MBNL1: variants seen among roughly 807,000 people sequenced by gnomAD.
MBNL1 encodes the protein muscleblind like splicing regulator 1.
In MBNL1, 8 loss-of-function variants were observed where a neutral mutation model predicts 42.2. The ratio of observed to expected loss-of-function variants is 0.19; its 90% CI spans 0.11 to 0.34. The LOEUF (loss-of-function observed/expected upper bound fraction) is 0.34, where lower values mean the gene tolerates loss of function less well. Ranked by LOEUF, MBNL1 falls within the 10% of genes least tolerant of loss-of-function variation. The pLI is 1.00. For missense variants in MBNL1, 309 were observed against 495.3 expected (o/e 0.62, Z 3.57); for synonymous variants, 169 against 173.9 (o/e 0.97, Z 0.22).
At chr3:152,280,725 G>T (rs868159431) in intron 1 of MBNL1, among the ~76,000 whole-genome samples, 1 of 152,144 alleles carries the variant, frequency 6.6e-6, no homozygotes, top group South Asian at 2.1e-4. Context: ...AAATAAAGCT[G>T]TATTTTGTAG....
At chr3:152,438,941 C>T (rs1385542192) in intron 4 of MBNL1, among the ~76,000 whole-genome samples, 3 of 152,088 alleles carry the variant, frequency 2.0e-5, no homozygotes, top group East Asian at 1.9e-4. Context: ...CCAGGGGACA[C>T]GTATTCCAGA....
intron 3 of MBNL1, among the ~76,000 whole-genome samples, chr3:152,421,341 G>A (rs2098801581): frequency 6.6e-6 from 1 of 152,190 alleles, no homozygotes; most frequent in Non-Finnish European, 1.5e-5. Flanking sequence ...AAAGGCGGCT[G>A]AAGCCAGGGA....
intron 7 of MBNL1, among the ~76,000 whole-genome samples, chr3:152,455,884 A>G (rs1013034743): frequency 5.6e-5 from 8 of 142,552 alleles, no homozygotes; most frequent in African/African-American, 2.5e-4. Flanking sequence ...ATGAGAAAAA[A>G]ATACTTTCAT....
intron 2 of MBNL1, among the ~76,000 whole-genome samples, chr3:152,352,680 G>A (rs564702738): frequency 6.6e-6 from 1 of 151,726 alleles, no homozygotes; most frequent in African/African-American, 2.4e-5. Context: ...AGTCTCCCTT[G>A]ATCCCCTCCA....
chr3:152,323,813 A>G (rs1332699178), intron 2 of MBNL1, among the ~76,000 whole-genome samples: 2 of 152,206 alleles, frequency 1.3e-5, no homozygotes, highest in Admixed American at 6.5e-5. Flanking sequence ...TGGGACCACC[A>G]TCATATATGT....
In MBNL1 at chr3:152,416,435, TA is replaced by T. The variant is rs2098703470; in HGVS notation, c.345+1331del. On this transcript the variant is annotated intron_variant, in intron 3 of 9. Transcript: ENST00000324210. ...GATAGCATGAAGATTTCCATTTGGT[TA>T]AAAAAATTAGCTATAATAATTCTCT... 3.9e-5 allele frequency among the ~76,000 whole-genome samples: 6 copies of T among 152,298 alleles called. No individual in the cohort carries two copies. In the South Asian group the frequency reaches 1.2e-3, roughly 32 times the overall value.
intron 1 of MBNL1, among the ~76,000 whole-genome samples, chr3:152,287,074 CG>C (rs1436782312): frequency 6.6e-6 from 1 of 151,734 alleles, no homozygotes; most frequent in Non-Finnish European, 1.5e-5. Context: ...AAAAAGTAGC[CG>C]GGTGTGGTGG....
intron 2 of MBNL1, among the ~76,000 whole-genome samples, chr3:152,327,702 T>G (rs1346984712): frequency 1.3e-5 from 2 of 152,128 alleles, no homozygotes; most frequent in African/African-American, 4.8e-5. Context: ...TGATGTGATT[T>G]AAAAAATTGA....
At chr3:152,423,000 G>T (rs75667773) in intron 3 of MBNL1, among the ~76,000 whole-genome samples, 1 of 152,212 alleles carries the variant, frequency 6.6e-6, no homozygotes, top group African/African-American at 2.4e-5. Context: ...AAGCAGGAAA[G>T]ATATAAAATT....
rs1560004194 is a variant in MBNL1 at position 152,286,385 on chromosome 3, ATTATATTTTATTTATAATATAAATAT to A, written c.-789-12967_-789-12942del. Among the ~76,000 whole-genome samples the A allele has an allele frequency of 1.7e-3, 165 of 98,942 alleles. 7 individuals carry two copies. The highest frequency in any genetic ancestry group is 3.3e-3 in the Non-Finnish European group (135 of 40,462). The allele number at this position is 98,942 out of a possible 152,430, so 64.9% of individuals were successfully genotyped here. On this transcript the variant is annotated intron_variant, in intron 1 of 9. Coordinates refer to ENST00000324210, the MANE Select transcript of MBNL1 (RefSeq NM_021038.5). ...ATTTTATTTATAATATAAATATTTAATTATATTTTATTTATAATATAAATATTTATATTTTATTTATAATATAAATA... is the reference window on the plus strand; with the variant it reads ...ATTTTATTTATAATATAAATATTTAATTATATTTTATTTATAATATAAATA...
exon 1 of MBNL1, chr3:152,243,947 G>A (rs1017704804): frequency 6.6e-6 from 1 of 152,200 alleles, no homozygotes; most frequent in Non-Finnish European, 1.5e-5. Flanking sequence ...GTGGGATTCA[G>A]ACGCCTGCCA....
At chr3:152,392,709 T>C (rs977817668) in intron 2 of MBNL1, among the ~76,000 whole-genome samples, 1 of 152,214 alleles carries the variant, frequency 6.6e-6, no homozygotes, top group Non-Finnish European at 1.5e-5. Flanking sequence ...GGGTAAGATA[T>C]ACACAGAGAA....
intron 3 of MBNL1, among the ~76,000 whole-genome samples, chr3:152,418,936 T>C (rs944038492): frequency 1.2e-4 from 19 of 152,034 alleles, no homozygotes; most frequent in Non-Finnish European, 2.5e-4. Flanking sequence ...TAGGATGGTC[T>C]TGATCTCCTG....
intron 3 of MBNL1, among the ~76,000 whole-genome samples, chr3:152,420,444 T>C (rs182073290): frequency 1.3e-3 from 202 of 152,320 alleles, no homozygotes; most frequent in African/African-American, 4.8e-3. Context: ...ATTGCTGTTC[T>C]GCAGCCTCTG....
chr3:152,267,823 G>A (rs2037660782), upstream of MBNL1: 1 of 152,134 alleles, frequency 6.6e-6, no homozygotes, highest in Admixed American at 6.5e-5. Flanking sequence ...CCTCGAGCTG[G>A]CCTCACTCTC....
chr3:152,355,200 G>C (rs2095424635), intron 2 of MBNL1, among the ~76,000 whole-genome samples: 1 of 152,042 alleles, frequency 6.6e-6, no homozygotes, highest in African/African-American at 2.4e-5. Flanking sequence ...ATTGGTGCTG[G>C]GACTCCAGAG....
At chr3:152,276,877 G>GAGATGAGGGACT (rs2045544697) in intron 1 of MBNL1, among the ~76,000 whole-genome samples, 2 of 152,160 alleles carry the variant, frequency 1.3e-5, no homozygotes, top group South Asian at 4.1e-4. Context: ...ATACAGAACA[G>GAGATGAGGGACT]AGATGAGGGA....
chr3:152,318,184 T>C (rs1228639987), intron 2 of MBNL1, among the ~76,000 whole-genome samples: 4 of 152,218 alleles, frequency 2.6e-5, no homozygotes, highest in African/African-American at 9.6e-5. Flanking sequence ...GTCATTCTTA[T>C]GACTAGCTGA....
chr3:152,315,914 C>A (rs1356607680), intron 2 of MBNL1, among the ~76,000 whole-genome samples: 1 of 151,888 alleles, frequency 6.6e-6, no homozygotes, highest in Non-Finnish European at 1.5e-5. Context: ...CACACATATG[C>A]GCGCGCACAC....
Sources: gnomAD v4.1 joint callset for allele counts (sites outside exome capture counted in the v4.1 genomes callset) on GRCh38, gnomAD v4.1.1 for gene constraint, MANE v1.5 for transcripts, NCBI Gene and HGNC (gene_info 2026-07-23, HGNC 2026-07-21) for gene names.